The following OXR1 variants were observed in gnomAD, a reference collection of about 807,000 sequenced individuals.
OXR1 encodes oxidation resistance 1, also known as oxidation resistance protein 1.
OXR1 carries 41 observed loss-of-function variants against 104.6 expected under a neutral mutation model. The ratio of observed to expected loss-of-function variants is 0.39; its 90% CI spans 0.31 to 0.51. The LOEUF (loss-of-function observed/expected upper bound fraction) is 0.51. Among genes scored for constraint, OXR1 ranks in the 20% least tolerant of loss-of-function variants. OXR1 has a pLI of 0.77. For missense variants in OXR1, 955 were observed against 1,031.9 expected, an observed-to-expected ratio of 0.93 and a Z score of 1.02; for synonymous variants, 348 against 348.4, an observed-to-expected ratio of 1.00 and a Z score of 0.01.
In OXR1 at chr8:106,568,751, C is replaced by A. The variant is rs548144836; in HGVS notation, c.220+49612C>A. On this transcript the variant is annotated intron_variant, in intron 3 of 16. Coordinates refer to ENST00000517566, the MANE Select transcript of OXR1 (RefSeq NM_001198533.2). ...AAATTATTTTTGCTATTGTATATCCCAATTTTTAAAATTAATACCAACATG... is the reference window on the plus strand; with the variant it reads ...AAATTATTTTTGCTATTGTATATCCAAATTTTTAAAATTAATACCAACATG... 6.6e-5 allele frequency among the ~76,000 whole-genome samples: 10 copies of A among 152,116 alleles called. No homozygotes were observed. In the South Asian group the frequency reaches 1.2e-3, roughly 19 times the overall value.
rs117654747 is a variant in OXR1 at position 106,420,929 on chromosome 8, G to T, written c.23+61293G>T. Among the ~76,000 whole-genome samples the T allele has an allele frequency of 8.0e-4, 121 of 152,172 alleles. 1 individual carries two copies. The East Asian group carries it at 0.018, about 23-fold the overall frequency. Reference sequence around the variant, plus strand: ...TATAAGGGAAACTGCTACTAGAGAAGAAAATTAACAAATGTAAGCAGAGTC... The same window carrying T: ...TATAAGGGAAACTGCTACTAGAGAATAAAATTAACAAATGTAAGCAGAGTC... On this transcript the variant is annotated intron_variant, in intron 2 of 16. Transcript: ENST00000517566.
At chr8:106,439,583 T>G (rs1002955154) in intron 2 of OXR1, among the ~76,000 whole-genome samples, 4 of 152,108 alleles carry the variant, frequency 2.6e-5, no homozygotes, top group Non-Finnish European at 1.5e-5. Flanking sequence ...TAAACCACTG[T>G]GTGTTATGAA....
chr8:106,710,654 C>T lies in OXR1; in HGVS notation c.1657C>T (p.Arg553Ter). The change falls in exon 10 of 17, where the codon CGA (arginine) becomes TGA (stop). Residue 553 changes from arginine (R) to a stop codon, truncating the protein, a stop_gained. Coordinates refer to ENST00000517566, the MANE Select transcript of OXR1 (RefSeq NM_001198533.2). LOFTEE classifies it high-confidence loss of function. ...ACTTTTAAAAGAAAAGCAAAGGCAT[C>T]GATTACATAAGTTCTTGTGTCTCAG... ...SALLKEKQRH[R>*]LHKFLCLRVG... The T allele has an allele frequency of 1.3e-6, 2 of 1,589,008 alleles. No homozygotes were observed. The highest frequency in any genetic ancestry group is 1.7e-6 in the Non-Finnish European group (2 of 1,168,466).
intron 1 of OXR1, among the ~76,000 whole-genome samples, chr8:106,327,738 A>G (rs1445872211): frequency 6.6e-6 from 1 of 152,182 alleles, no homozygotes; most frequent in African/African-American, 2.4e-5. Flanking sequence ...TTGTACTTCA[A>G]AGTTCTCTAA....
At chr8:106,401,105 G>C (rs982118988) in intron 2 of OXR1, among the ~76,000 whole-genome samples, 4 of 151,966 alleles carry the variant, frequency 2.6e-5, no homozygotes, top group African/African-American at 9.7e-5. Context: ...CCAAATTCTA[G>C]ACCATCCGGC....
Position 106,403,889 on chromosome 8 carries a change from CACACTTTGAACCTCACCT to C in OXR1, c.23+44254_23+44271del, listed in dbSNP as rs779163142. 5.6e-4 allele frequency among the ~76,000 whole-genome samples: 85 copies of C among 152,320 alleles called. 1 individual carries two copies. Among genetic ancestry groups the C allele is most frequent in the Non-Finnish European group, 9.8e-4 (67 of 68,032 alleles). The stretch of plus-strand genomic sequence containing the variant: ...GAATGTAGCACAGCTCTTCATGGGT[CACACTTTGAACCTCACCT>C]TTAGGGGCCTGTTGGGTCTTAAATC... On this transcript the variant is annotated intron_variant, in intron 2 of 16. Coordinates refer to ENST00000517566, the MANE Select transcript of OXR1 (RefSeq NM_001198533.2).
rs1295442915 is a variant in OXR1, at chr8:106,359,593, A to T, written c.-21A>T. 7.8e-6 allele frequency: 12 copies of T among 1,545,496 alleles called. No individual in the cohort carries two copies. The highest frequency in any genetic ancestry group is 1.1e-5 in the Non-Finnish European group (12 of 1,141,344). On this transcript the variant is annotated 5_prime_UTR_variant, in exon 2 of 17. Transcript: ENST00000517566. ...TTTCCTGTTCTGGAATCGAGAGAAG[A>T]CTCCTCAACAAGTTGCTGCAATGTC...
chr8:106,441,722 A>G (rs1024201951), intron 2 of OXR1, among the ~76,000 whole-genome samples: 4 of 151,958 alleles, frequency 2.6e-5, no homozygotes, highest in South Asian at 4.1e-4. Context: ...CTGCCTGCCA[A>G]TTGTTGGTGT....
chr8:106,521,400 T>A (rs1402314189), intron 3 of OXR1, among the ~76,000 whole-genome samples: 1 of 152,112 alleles, frequency 6.6e-6, no homozygotes, highest in Non-Finnish European at 1.5e-5. Context: ...AAAGATGGGG[T>A]CATGAGCTGT....
intron 3 of OXR1, among the ~76,000 whole-genome samples, chr8:106,630,207 T>C (rs1225445693): frequency 6.6e-6 from 1 of 152,202 alleles, no homozygotes; most frequent in East Asian, 1.9e-4. Context: ...CAATCTCCTT[T>C]AGCTTCCGTT....
At chr8:106,441,823 T>C (rs1165125692) in intron 2 of OXR1, among the ~76,000 whole-genome samples, 2 of 152,110 alleles carry the variant, frequency 1.3e-5, no homozygotes, top group Non-Finnish European at 1.5e-5. Context: ...TGGGGTGAGA[T>C]GATGGGGTTT....
intron 1 of OXR1, among the ~76,000 whole-genome samples, chr8:106,308,694 A>G (rs1338372831): frequency 1.2e-4 from 19 of 152,156 alleles, no homozygotes; most frequent in Non-Finnish European, 2.5e-4. Flanking sequence ...TTAATGCTTA[A>G]AAGCTACTTA....
intron 2 of OXR1, among the ~76,000 whole-genome samples, chr8:106,373,088 A>G (rs1227523918): frequency 6.6e-6 from 1 of 152,330 alleles, no homozygotes; most frequent in Non-Finnish European, 1.5e-5. Flanking sequence ...ATGTGTAGGC[A>G]TTATATTAGG....
At chr8:106,676,606 G>C (rs1392439300) in intron 3 of OXR1, among the ~76,000 whole-genome samples, 1 of 152,066 alleles carries the variant, frequency 6.6e-6, no homozygotes, top group Admixed American at 6.6e-5. Context: ...TAAGAATGAT[G>C]AATATTGGCC....
chr8:106,542,361 C>A (rs1815021949), intron 3 of OXR1, among the ~76,000 whole-genome samples: 1 of 151,990 alleles, frequency 6.6e-6, no homozygotes. Context: ...GGAAAACACT[C>A]CCCCCTACAC....
intron 2 of OXR1, among the ~76,000 whole-genome samples, chr8:106,441,007 T>C (rs1216798640): frequency 6.6e-6 from 1 of 152,048 alleles, no homozygotes; most frequent in Non-Finnish European, 1.5e-5. Context: ...TTTTCATTGT[T>C]TTTTAAAAAG....
chr8:106,279,718 C>T (rs1008389941), intron 1 of OXR1, among the ~76,000 whole-genome samples: 2 of 151,942 alleles, frequency 1.3e-5, no homozygotes, highest in Non-Finnish European at 2.9e-5. Context: ...AGTAGTAAGT[C>T]CAAATAAGGT....
chr8:106,316,725 TA>T (rs1813970060), intron 1 of OXR1, among the ~76,000 whole-genome samples: 1 of 65,474 alleles, frequency 1.5e-5, no homozygotes, highest in Non-Finnish European at 3.0e-5. Flanking sequence ...ATCATCTATC[TA>T]TCTATCTATC....
chr8:106,356,981 A>G (rs1815999395), intron 1 of OXR1, among the ~76,000 whole-genome samples: 1 of 152,140 alleles, frequency 6.6e-6, no homozygotes, highest in Non-Finnish European at 1.5e-5. Context: ...CACTAAGCCT[A>G]ATAGTTGATT....
Sources: allele counts gnomAD v4.1 joint callset (sites outside exome capture counted in the v4.1 genomes callset), GRCh38; gene constraint gnomAD v4.1.1; transcripts MANE v1.5; gene names NCBI Gene and HGNC (gene_info 2026-07-23, HGNC 2026-07-21).